Variants in ACTN4 observed in about 807,000 individuals in gnomAD.
The protein encoded by ACTN4 is alpha-actinin-4.
A neutral mutation model predicts 114.2 loss-of-function variants in ACTN4; 18 were observed. That is an observed-to-expected ratio of 0.16 (90% CI 0.11 to 0.23). ACTN4 has a LOEUF of 0.23. ACTN4 is among the 10% of genes least tolerant of loss of function. ACTN4 has a pLI of 1.00. For missense variants in ACTN4, 722 were observed against 1,262.9 expected, an observed-to-expected ratio of 0.57 and a Z score of 6.49; for synonymous variants, 515 against 506.3, an observed-to-expected ratio of 1.02 and a Z score of -0.23.
At chr19:38,663,836 C>T (rs550079671) in intron 1 of ACTN4, among the ~76,000 whole-genome samples, 24 of 152,310 alleles carry the variant, frequency 1.6e-4, no homozygotes, top group Admixed American at 3.9e-4. Flanking sequence ...TCACAGATAT[C>T]GTGAGTGGGC....
chr19:38,706,168 A>G lies in ACTN4; in HGVS notation c.572+37A>G. 1.9e-6 allele frequency: 3 copies of G among 1,594,634 alleles called. No individual in the cohort carries two copies. The East Asian group carries it at 6.7e-5, about 36-fold the overall frequency. On this transcript the variant is annotated intron_variant, in intron 5 of 20. Transcript: ENST00000252699. ...TCCTGGTCATCCTCTCCTTTCCTCT[A>G]GGAACCTGAGATCCTTCCTCCCACC...
chr19:38,728,850 C>A, intron 19 of ACTN4, 146 bp from the exon 20 acceptor site: 1 of 1,040,692 alleles, frequency 9.6e-7, no homozygotes, highest in Non-Finnish European at 1.4e-6. Flanking sequence ...GCCAAGGCTG[C>A]TGGAGCAGGC....
At chr19:38,698,913 A>G (rs1377014452) in intron 1 of ACTN4, among the ~76,000 whole-genome samples, 1 of 152,194 alleles carries the variant, frequency 6.6e-6, no homozygotes, top group Non-Finnish European at 1.5e-5. Flanking sequence ...ACAGTTGTCA[A>G]AACACATGGT....
intron 1 of ACTN4, among the ~76,000 whole-genome samples, chr19:38,681,487 A>C (rs1023102805): frequency 6.6e-6 from 1 of 152,134 alleles, no homozygotes; most frequent in African/African-American, 2.4e-5. Flanking sequence ...CATCCCTGCC[A>C]CTTCTCCTGG....
At chr19:38,680,331 C>T (rs923878120) in intron 1 of ACTN4, among the ~76,000 whole-genome samples, 3 of 149,512 alleles carry the variant, frequency 2.0e-5, no homozygotes, top group Admixed American at 6.8e-5. Flanking sequence ...TGGGTTCAAG[C>T]AAGCACGTCT....
At position 38,683,342 on chromosome 19, in the gene ACTN4, G is replaced by A. The variant is rs558961033; in HGVS notation, c.163-17258G>A. On this transcript the variant is annotated intron_variant, in intron 1 of 20. Transcript: ENST00000252699. The stretch of plus-strand genomic sequence containing the variant: ...GCAGCCCCTGCCTCTCCTCTTTCTC[G>A]CCCCCCGCCCTCCTCCAGAGAAAGC... 2.3e-3 allele frequency among the ~76,000 whole-genome samples: 352 copies of A among 152,194 alleles called. 1 individual carries two copies. Among genetic ancestry groups the A allele is most frequent in the African/African-American group, 7.5e-3 (313 of 41,524 alleles).
chr19:38,676,866 C>A (rs771920731), intron 1 of ACTN4, among the ~76,000 whole-genome samples: 7 of 152,168 alleles, frequency 4.6e-5, no homozygotes, highest in Admixed American at 2.6e-4. Context: ...TGCATCCCCC[C>A]ACTCACTCCC....
At position 38,695,828 on chromosome 19, in the gene ACTN4, C is replaced by T. The variant is rs183137720; in HGVS notation, c.163-4772C>T. On this transcript the variant is annotated intron_variant, in intron 1 of 20. Coordinates refer to ENST00000252699, the MANE Select transcript of ACTN4 (RefSeq NM_004924.6). ...ACCTTTCTGTGTCTGCCTCACCAGTCGCTTGGTGCCCCCCCACCCCGCCAC... is the reference window on the plus strand; with the variant it reads ...ACCTTTCTGTGTCTGCCTCACCAGTTGCTTGGTGCCCCCCCACCCCGCCAC... Among the ~76,000 whole-genome samples the T allele has an allele frequency of 9.4e-3, 1,426 of 152,050 alleles. 22 individuals are homozygous for T. The highest frequency in any genetic ancestry group is 0.033 in the African/African-American group (1,367 of 41,366).
chr19:38,669,690 G>A (rs147377319), intron 1 of ACTN4, among the ~76,000 whole-genome samples: 3 of 152,268 alleles, frequency 2.0e-5, no homozygotes, highest in East Asian at 1.9e-4. Flanking sequence ...GCCAGGAAGC[G>A]GAGCCCAGCG....
chr19:38,659,504 A>G (rs1976815827), intron 1 of ACTN4, among the ~76,000 whole-genome samples: 1 of 152,172 alleles, frequency 6.6e-6, no homozygotes, highest in African/African-American at 2.4e-5. Flanking sequence ...GACTCCTATT[A>G]GCCTTGTAGA....
In ACTN4 at chr19:38,730,947, C is replaced by A; in HGVS notation, c.*1515C>A. On this transcript the variant is annotated 3_prime_UTR_variant, in exon 21 of 21. Transcript: ENST00000252699. ...CAGGACAGAGCCTGAGCCACCCTGT[C>A]CCTCCCACCTGGCTCACCTGTCTGT... 6.4e-7 allele frequency: 1 copy of A among 1,550,588 alleles called. No individual in the cohort carries two copies. The highest frequency in any genetic ancestry group is 8.7e-7 in the Non-Finnish European group (1 of 1,147,054).
Position 38,729,539 on chromosome 19 carries a change from T to A in ACTN4, c.*107T>A. 2.8e-6 allele frequency: 1 copy of A among 355,926 alleles called. No individual in the cohort carries two copies. Among genetic ancestry groups the A allele is most frequent in the Non-Finnish European group, 5.3e-6 (1 of 188,104 alleles). The allele number at this position is 355,926 out of a possible 1,614,324, so 22.0% of individuals were successfully genotyped here. ...TATCTATGCAAAGCACTCTCTGCAGTCCTCCGGGGTGGGTGGGTGGGCAGG... is the reference window on the plus strand; with the variant it reads ...TATCTATGCAAAGCACTCTCTGCAGACCTCCGGGGTGGGTGGGTGGGCAGG... On this transcript the variant is annotated 3_prime_UTR_variant, in exon 21 of 21. Coordinates refer to ENST00000252699, the MANE Select transcript of ACTN4 (RefSeq NM_004924.6).
intron 11 of ACTN4, among the ~76,000 whole-genome samples, chr19:38,720,533 A>C (rs1208684442): frequency 6.6e-6 from 1 of 152,260 alleles, no homozygotes; most frequent in African/African-American, 2.4e-5. Context: ...CTTCTTGGCC[A>C]TCAGTGCCAG....
intron 3 of ACTN4, among the ~76,000 whole-genome samples, chr19:38,703,900 C>CT (rs964117403): frequency 2.6e-5 from 4 of 152,046 alleles, no homozygotes; most frequent in Non-Finnish European, 5.9e-5. Context: ...GGGTCGCAGG[C>CT]TAGGGGCGTG....
intron 1 of ACTN4, among the ~76,000 whole-genome samples, chr19:38,665,024 A>G (rs1966911096): frequency 6.6e-6 from 1 of 152,126 alleles, no homozygotes; most frequent in Non-Finnish European, 1.5e-5. Context: ...ACCCACCAAG[A>G]TAGGAGGCAG....
rs200498126 is a variant in ACTN4, at chr19:38,731,159, A to G, written c.*1727A>G. 12 of 1,613,226 alleles carry G rather than the reference A, an allele frequency of 7.4e-6. No individual in the cohort carries two copies. The highest frequency in any genetic ancestry group is 1.0e-5 in the Non-Finnish European group (12 of 1,180,010). On this transcript the variant is annotated 3_prime_UTR_variant, in exon 21 of 21. Coordinates refer to ENST00000252699, the MANE Select transcript of ACTN4 (RefSeq NM_004924.6). Reference sequence around the variant, plus strand: ...AGGACACGAACCGCTCGAAGTCCACACGCAGACGGCTATCCCGGTAGCGGC... The same window carrying G: ...AGGACACGAACCGCTCGAAGTCCACGCGCAGACGGCTATCCCGGTAGCGGC...
At chr19:38,699,400 T>C (rs1232278782) in intron 1 of ACTN4, among the ~76,000 whole-genome samples, 1 of 152,138 alleles carries the variant, frequency 6.6e-6, no homozygotes, top group Non-Finnish European at 1.5e-5. Flanking sequence ...CTGACCCCGG[T>C]GAGGGGGCCT....
intron 1 of ACTN4, among the ~76,000 whole-genome samples, chr19:38,658,822 A>G (rs1022900724): frequency 1.3e-5 from 2 of 152,070 alleles, no homozygotes; most frequent in African/African-American, 4.8e-5. Context: ...ATTGTGAGGC[A>G]GTTACTTTTT....
chr19:38,648,385 A>G (rs561623785), intron 1 of ACTN4: 1 of 153,334 alleles, frequency 6.5e-6, no homozygotes, highest in South Asian at 1.9e-4. Flanking sequence ...GAGCAGAAAG[A>G]TCTGAAGGAG....
Sources: gnomAD v4.1 joint callset for allele counts (sites outside exome capture counted in the v4.1 genomes callset) on GRCh38, gnomAD v4.1.1 for gene constraint, MANE v1.5 for transcripts, NCBI Gene and HGNC (gene_info 2026-07-23, HGNC 2026-07-21) for gene names.